The following MEIS1 variants were observed in gnomAD, a reference collection of about 807,000 sequenced individuals.
The protein encoded by MEIS1 is Meis homeobox 1, also known as homeobox protein Meis1.
In MEIS1, 5 loss-of-function variants were observed where a neutral mutation model predicts 50.8. The ratio of observed to expected loss-of-function variants is 0.10; its 90% CI spans 0.05 to 0.21. The LOEUF (loss-of-function observed/expected upper bound fraction) is 0.21. MEIS1 is among the 10% of genes least tolerant of loss of function. The pLI, the probability that MEIS1 is intolerant of heterozygous loss-of-function variation, is 1.00. For synonymous variants in MEIS1, 176 were observed against 179.3 expected, an observed-to-expected ratio of 0.98 and a Z score of 0.15; for missense variants, 318 against 517.3, an observed-to-expected ratio of 0.61 and a Z score of 3.74.
intron 9 of MEIS1, among the ~76,000 whole-genome samples, chr2:66,564,120 C>T (rs535841880): frequency 1.3e-5 from 2 of 152,216 alleles, no homozygotes; most frequent in African/African-American, 4.8e-5. Context: ...TTAAATGTTT[C>T]ACAAGTAAGA....
At chr2:66,515,265 T>A (rs1022506087) in intron 8 of MEIS1, among the ~76,000 whole-genome samples, 1 of 152,204 alleles carries the variant, frequency 6.6e-6, no homozygotes, top group Non-Finnish European at 1.5e-5. Flanking sequence ...TCTCACACCT[T>A]TTAAAAGCAA....
intron 6 of MEIS1, among the ~76,000 whole-genome samples, chr2:66,444,559 C>T (rs1672080960): frequency 6.6e-6 from 1 of 152,232 alleles, no homozygotes; most frequent in Non-Finnish European, 1.5e-5. Flanking sequence ...GAGTTGGAAA[C>T]TTTCGGCAGT....
intron 7 of MEIS1, among the ~76,000 whole-genome samples, chr2:66,506,870 C>A (rs1673695705): frequency 6.6e-6 from 1 of 152,082 alleles, no homozygotes; most frequent in South Asian, 2.1e-4. Flanking sequence ...TTCCTAATAA[C>A]CCTGGACATC....
At chr2:66,549,206 G>A (rs932648193) in intron 9 of MEIS1, among the ~76,000 whole-genome samples, 5 of 152,046 alleles carry the variant, frequency 3.3e-5, no homozygotes, top group African/African-American at 1.2e-4. Flanking sequence ...GCCTTTGGAG[G>A]ATTAATTTAC....
rs2103983741 is a variant in MEIS1 at position 66,573,328 on chromosome 2, A to T, written c.*2120A>T. The T allele has an allele frequency of 6.6e-6, 1 of 152,336 alleles. No individual in the cohort carries two copies. Among genetic ancestry groups the T allele is most frequent in the African/African-American group, 2.4e-5 (1 of 41,574 alleles). The allele number at this position is 152,336 out of a possible 1,614,324, so 9.4% of individuals were successfully genotyped here. ...ATTTAAATAAAATTGCTGCTATAAA[A>T]AGTGCTTCCCAAAGCTAAGGAAAAT... On this transcript the variant is annotated 3_prime_UTR_variant, in exon 13 of 13. Transcript: ENST00000272369.
rs527736673 is a variant in MEIS1, at chr2:66,564,720, GTT to G, written c.966-2720_966-2719del. On this transcript the variant is annotated intron_variant, in intron 9 of 12. Coordinates refer to ENST00000272369, the MANE Select transcript of MEIS1 (RefSeq NM_002398.3). ...TATTAGGTTGGGTGCAAAAGTAATTGTTTTTTTTTTTTTTAATTATACTTTAA... is the reference window on the plus strand; with the variant it reads ...TATTAGGTTGGGTGCAAAAGTAATTGTTTTTTTTTTTTAATTATACTTTAA... Among the ~76,000 whole-genome samples, 28 of 142,904 alleles carry G rather than the reference GTT, an allele frequency of 2.0e-4. 1 individual carries two copies. The highest frequency in any genetic ancestry group is 6.6e-4 in the African/African-American group (26 of 39,288). The allele number at this position is 142,904 out of a possible 152,430, so 93.8% of individuals were successfully genotyped here.
rs185964371 is a variant in MEIS1 at position 66,457,849 on chromosome 2, T to G, written c.631-6260T>G. ...GAGTACCATGCACACTGGTGCCTTC[T>G]CCATGCGGACCTGGAGACTGTCCTC... On this transcript the variant is annotated intron_variant, in intron 6 of 12. Coordinates refer to ENST00000272369, the MANE Select transcript of MEIS1 (RefSeq NM_002398.3). 4.3e-3 allele frequency among the ~76,000 whole-genome samples: 653 copies of G among 152,326 alleles called. 2 individuals carry two copies. Among genetic ancestry groups the G allele is most frequent in the African/African-American group, 0.013 (547 of 41,570 alleles).
intron 8 of MEIS1, among the ~76,000 whole-genome samples, chr2:66,539,144 C>T (rs935832368): frequency 1.3e-4 from 20 of 152,116 alleles, no homozygotes; most frequent in Admixed American, 1.1e-3. Context: ...GCCTTGGCCT[C>T]CTAAAGTGCT....
chr2:66,436,127 T>G (rs1190731903), intron 1 of MEIS1, among the ~76,000 whole-genome samples: 1 of 152,054 alleles, frequency 6.6e-6, no homozygotes, highest in African/African-American at 2.4e-5. Flanking sequence ...GCTCAAACAA[T>G]CATCTGGGTT....
At chr2:66,559,729 T>A (rs1437327772) in intron 9 of MEIS1, among the ~76,000 whole-genome samples, 1 of 152,202 alleles carries the variant, frequency 6.6e-6, no homozygotes, top group Non-Finnish European at 1.5e-5. Flanking sequence ...CTATTTTTTT[T>A]AGCTCCATAA....
intron 7 of MEIS1, among the ~76,000 whole-genome samples, chr2:66,498,804 T>C (rs115170436): frequency 0.017 from 2,663 of 152,254 alleles, 77 homozygotes; most frequent in African/African-American, 0.061. Context: ...CACAGTGTGG[T>C]CCTTGGACTG....
In MEIS1 at chr2:66,567,401, C is replaced by A. The variant is rs78221941; in HGVS notation, c.966-52C>A. On this transcript the variant is annotated intron_variant, in intron 9 of 12. Coordinates refer to ENST00000272369, the MANE Select transcript of MEIS1 (RefSeq NM_002398.3). The stretch of plus-strand genomic sequence containing the variant: ...GATTCATCTTTTCCTCTTCCTCAAC[C>A]CCCCCTTTTATTTTTAAGGAATAAC... 3.2e-4 allele frequency: 506 copies of A among 1,567,706 alleles called. 1 individual carries two copies. In the African/African-American group the frequency reaches 5.8e-3, roughly 18 times the overall value.
chr2:66,493,604 C>T (rs1673326273), intron 7 of MEIS1, among the ~76,000 whole-genome samples: 1 of 152,096 alleles, frequency 6.6e-6, no homozygotes, highest in South Asian at 2.1e-4. Flanking sequence ...AATTACTCTT[C>T]CTATATTCTC....
intron 6 of MEIS1, among the ~76,000 whole-genome samples, chr2:66,446,598 C>T (rs1427349988): frequency 1.3e-5 from 2 of 152,122 alleles, no homozygotes; most frequent in African/African-American, 2.4e-5. Context: ...GGGGGGTCCT[C>T]GTCTGAATCT....
At chr2:66,538,850 G>A (rs1021513083) in intron 8 of MEIS1, among the ~76,000 whole-genome samples, 9 of 152,084 alleles carry the variant, frequency 5.9e-5, no homozygotes, top group Admixed American at 2.0e-4. Context: ...GAAATAGTAG[G>A]CATTTGATTC....
chr2:66,501,704 G>A (rs898527627), intron 7 of MEIS1, among the ~76,000 whole-genome samples: 3 of 151,176 alleles, frequency 2.0e-5, no homozygotes, highest in African/African-American at 7.3e-5. Flanking sequence ...TATGTTGTAT[G>A]TGTCCATGGT....
chr2:66,442,302 G>C (rs1341240092), intron 5 of MEIS1, among the ~76,000 whole-genome samples: 1 of 142,190 alleles, frequency 7.0e-6, no homozygotes. Context: ...AAATCAATTT[G>C]ATATGTTTTT....
chr2:66,516,623 T>C (rs576353080), intron 8 of MEIS1, among the ~76,000 whole-genome samples: 2 of 151,856 alleles, frequency 1.3e-5, no homozygotes, highest in Admixed American at 6.6e-5. Context: ...ATTTATGTCT[T>C]GATTTCTGAT....
intron 7 of MEIS1, among the ~76,000 whole-genome samples, chr2:66,474,989 A>G (rs921104426): frequency 6.6e-6 from 1 of 151,956 alleles, no homozygotes; most frequent in East Asian, 1.9e-4. Context: ...TTGCTAGGTT[A>G]TTAGCATTTA....
Sources: gnomAD v4.1 joint callset for allele counts (sites outside exome capture counted in the v4.1 genomes callset) on GRCh38, gnomAD v4.1.1 for gene constraint, MANE v1.5 for transcripts, NCBI Gene and HGNC (gene_info 2026-07-23, HGNC 2026-07-21) for gene names.